The following SV2C variants were observed in gnomAD, a reference collection of about 807,000 sequenced individuals.
The protein encoded by SV2C is solute carrier family 22 member B3.
Under a neutral mutation model 79.7 loss-of-function variants are expected in SV2C, and 49 were observed. That is an observed-to-expected ratio of 0.61 (90% confidence interval 0.49 to 0.78). The LOEUF (loss-of-function observed/expected upper bound fraction) is 0.78, where lower values mean the gene tolerates loss of function less well. Among genes scored for constraint, SV2C ranks in the 30% least tolerant of loss-of-function variants. SV2C has a pLI of 0.00. For missense variants in SV2C, 833 were observed against 912.9 expected (o/e 0.91, Z 1.13); for synonymous variants, 334 against 333.2 (o/e 1.00, Z -0.03).
the SV2C span, among the ~76,000 whole-genome samples, chr5:75,996,292 T>G: frequency 6.6e-6 from 1 of 152,192 alleles, no homozygotes; most frequent in African/African-American, 2.4e-5. Context: ...ATCAGATAGT[T>G]GTAGATATGC....
At chr5:76,142,903 C>CTTTTTT (rs372569739) in intron 2 of SV2C, among the ~76,000 whole-genome samples, 1 of 134,574 alleles carries the variant, frequency 7.4e-6, no homozygotes, top group Non-Finnish European at 1.6e-5. Context: ...TTTTCTTTTC[C>CTTTTTT]TTTTTTTTTG....
intron 4 of SV2C, among the ~76,000 whole-genome samples, chr5:76,283,380 C>T (rs751689394): frequency 6.6e-6 from 1 of 152,172 alleles, no homozygotes; most frequent in Non-Finnish European, 1.5e-5. Flanking sequence ...CTCTTGCCTT[C>T]GTTGTTTCCC....
At chr5:76,135,747 C>T (rs1299299579) in intron 2 of SV2C, among the ~76,000 whole-genome samples, 2 of 152,146 alleles carry the variant, frequency 1.3e-5, no homozygotes, top group Non-Finnish European at 2.9e-5. Flanking sequence ...AGGCATTCTC[C>T]CTTCCCATTT....
At chr5:76,337,923 G>A (rs2112582839), downstream of SV2C, among the ~76,000 whole-genome samples, 1 of 152,330 alleles carries the variant, frequency 6.6e-6, no homozygotes, top group East Asian at 1.9e-4. Flanking sequence ...AGCCTTCTCT[G>A]TGAGCCTGTC....
chr5:75,858,093 A>G, the SV2C span, among the ~76,000 whole-genome samples: 1 of 152,030 alleles, frequency 6.6e-6, no homozygotes, highest in South Asian at 2.1e-4. Flanking sequence ...GATACCCTTT[A>G]TTTCTTTCTC....
At chr5:75,953,960 T>C in the SV2C span, among the ~76,000 whole-genome samples, 3,696 of 152,038 alleles carry the variant, frequency 0.024, 155 homozygotes, top group African/African-American at 0.081. Flanking sequence ...TCTGGGGACA[T>C]TCAAACCAAG....
At chr5:76,223,659 T>A (rs1745158861) in intron 4 of SV2C, among the ~76,000 whole-genome samples, 1 of 151,718 alleles carries the variant, frequency 6.6e-6, no homozygotes. Flanking sequence ...CTCTAGCTCC[T>A]CTCTTCCTCC....
chr5:76,037,671 A>C, the SV2C span, among the ~76,000 whole-genome samples: 1 of 152,186 alleles, frequency 6.6e-6, no homozygotes, highest in African/African-American at 2.4e-5. Flanking sequence ...GGGACATTTA[A>C]GTCTGCAGAG....
At chr5:76,079,624 C>A, upstream of SV2C, 1 of 345,908 alleles carries the variant, frequency 2.9e-6, no homozygotes, top group South Asian at 3.2e-5. Flanking sequence ...CAAACTGTGT[C>A]AATCTGACAG....
At chr5:76,144,676 C>A (rs1469022832) in intron 2 of SV2C, among the ~76,000 whole-genome samples, 2 of 152,180 alleles carry the variant, frequency 1.3e-5, no homozygotes, top group African/African-American at 4.8e-5. Context: ...CATGACCTTA[C>A]CCTTCCAAGA....
At chr5:76,002,446 A>G in the SV2C span, among the ~76,000 whole-genome samples, 3 of 152,286 alleles carry the variant, frequency 2.0e-5, no homozygotes, top group East Asian at 5.8e-4. Context: ...GCTAGTGGAT[A>G]TGGGGTTCCT....
intron 12 of SV2C, among the ~76,000 whole-genome samples, chr5:76,342,298 G>A (rs907756223): frequency 6.6e-6 from 1 of 152,174 alleles, no homozygotes; most frequent in Admixed American, 6.5e-5. Context: ...GAAGCTACAG[G>A]CACAGAATGT....
At chr5:76,352,621 T>C (rs1410681938) in intron 12 of SV2C, among the ~76,000 whole-genome samples, 4 of 152,218 alleles carry the variant, frequency 2.6e-5, no homozygotes, top group African/African-American at 9.6e-5. Context: ...CCTTCAGAAC[T>C]GTAAGAAAGA....
chr5:75,905,506 T>A, the SV2C span, among the ~76,000 whole-genome samples: 2 of 152,218 alleles, frequency 1.3e-5, no homozygotes, highest in Non-Finnish European at 2.9e-5. Context: ...GAATTCCAAA[T>A]GGAAATTCAG....
intron 1 of SV2C, among the ~76,000 whole-genome samples, chr5:76,086,492 C>T (rs767052612): frequency 6.6e-6 from 1 of 152,172 alleles, no homozygotes; most frequent in Non-Finnish European, 1.5e-5. Context: ...AAGGGAAAAC[C>T]TTCAATACAC....
the SV2C span, among the ~76,000 whole-genome samples, chr5:76,058,625 T>C: frequency 7.0e-4 from 107 of 152,266 alleles, 2 homozygotes; most frequent in African/African-American, 2.6e-3. Context: ...ATATTCCAAG[T>C]GCTGAATATT....
At chr5:76,161,498 A>C (rs1221187333) in intron 2 of SV2C, among the ~76,000 whole-genome samples, 1 of 151,930 alleles carries the variant, frequency 6.6e-6, no homozygotes. Context: ...TGTCCGGCTA[A>C]TTTTCTTTTT....
chr5:76,345,856 G>T (rs1247783214), intron 12 of SV2C, among the ~76,000 whole-genome samples: 1 of 152,082 alleles, frequency 6.6e-6, no homozygotes, highest in Non-Finnish European at 1.5e-5. Flanking sequence ...GCCTAGCTTG[G>T]CACCCAGGCA....
rs552033393 is a variant in SV2C, at chr5:76,275,488, A to G, written c.914-9674A>G. On this transcript the variant is annotated intron_variant, in intron 4 of 12. Transcript: ENST00000502798. ...GGCAACAGAGCGAAAGTCTGTCTCAAAAAAAAAAAAAACGAACACAAACAA... is the reference window on the plus strand; with the variant it reads ...GGCAACAGAGCGAAAGTCTGTCTCAGAAAAAAAAAAAACGAACACAAACAA... Among the ~76,000 whole-genome samples the G allele has an allele frequency of 6.0e-5, 9 of 149,542 alleles. No homozygotes were observed. The East Asian group carries it at 1.7e-3, about 29-fold the overall frequency.
Sources: gnomAD v4.1 joint callset for allele counts (sites outside exome capture counted in the v4.1 genomes callset) on GRCh38, gnomAD v4.1.1 for gene constraint, MANE v1.5 for transcripts, NCBI Gene and HGNC (gene_info 2026-07-23, HGNC 2026-07-21) for gene names.